Variants in WNT4 observed in about 807,000 individuals in gnomAD.
WNT4 encodes the protein Wnt family member 4.
A neutral mutation model predicts 34.5 loss-of-function variants in WNT4; 16 were observed. That is an observed-to-expected ratio of 0.46 (90% CI 0.31 to 0.70). The LOEUF (loss-of-function observed/expected upper bound fraction) is 0.70, where lower values mean the gene tolerates loss of function less well. Ranked by LOEUF, WNT4 falls within the 30% of genes least tolerant of loss-of-function variation. WNT4 has a pLI of 0.04. For missense variants in WNT4, 379 were observed against 495.9 expected, an observed-to-expected ratio of 0.76 and a Z score of 2.24; for synonymous variants, 200 against 211.9, an observed-to-expected ratio of 0.94 and a Z score of 0.49.
chr1:22,140,836 C>T lies in WNT4; in HGVS notation c.77+2010G>A, dbSNP rs1050731991. Among the ~76,000 whole-genome samples, 3 of 152,198 alleles carry T rather than the reference C, an allele frequency of 2.0e-5. No homozygotes were observed. The highest frequency in any genetic ancestry group is 7.2e-5 in the African/African-American group (3 of 41,440). On this transcript the variant is annotated intron_variant, in intron 1 of 4. Transcript: ENST00000290167. This position sits in a 1 kb window ranked among gnomAD's most constrained non-coding sequence, Gnocchi z 5.9. ...GCTTCGTGGCAACCTGAACCATCAC[C>T]GTTGCAGAGAACAGGTTTGCCAACC...
At chr1:22,136,431 C>G (rs1231777691) in intron 1 of WNT4, among the ~76,000 whole-genome samples, 1 of 152,154 alleles carries the variant, frequency 6.6e-6, no homozygotes, top group Non-Finnish European at 1.5e-5. Context: ...ACAGGTGAAA[C>G]CCCAGCAGAA....
At chr1:22,126,643 A>G (rs1645942510) in intron 2 of WNT4, among the ~76,000 whole-genome samples, 1 of 152,128 alleles carries the variant, frequency 6.6e-6, no homozygotes, top group South Asian at 2.1e-4. Context: ...TTTGTCTTCC[A>G]TGTCTGACGC....
rs929379449 is a variant in WNT4 at position 22,134,317 on chromosome 1, G to A, written c.78-4466C>T. Among the ~76,000 whole-genome samples the A allele has an allele frequency of 6.6e-6, 1 of 152,204 alleles. No homozygotes were observed. On this transcript the variant is annotated intron_variant, in intron 1 of 4. Coordinates refer to ENST00000290167, the MANE Select transcript of WNT4 (RefSeq NM_030761.5). This position sits in a 1 kb window ranked among gnomAD's most constrained non-coding sequence, Gnocchi z 4.1. ...TGAACAGAGCTGCCTTGGGGGATGC[G>A]GGCCAGTGGGGGCGAAAGTGACCAC... is the stretch of plus-strand genomic sequence containing the variant.
In WNT4 at chr1:22,142,211, C is replaced by T. The variant is rs1646074015; in HGVS notation, c.77+635G>A. 6.6e-6 allele frequency among the ~76,000 whole-genome samples: 1 copy of T among 152,198 alleles called. No homozygotes were observed. Among genetic ancestry groups the T allele is most frequent in the Admixed American group, 6.5e-5 (1 of 15,290 alleles). ...CGGGGAGCTGGGGGGCCGTTGTCTT[C>T]TTTAAGGTCTGGACGGAGTTTCTTC... On this transcript the variant is annotated intron_variant, in intron 1 of 4. Transcript: ENST00000290167. This position sits in a 1 kb window ranked among gnomAD's most constrained non-coding sequence, Gnocchi z 6.0.
intron 2 of WNT4, chr1:22,127,405 C>T (rs765659817): frequency 1.9e-6 from 1 of 533,460 alleles, no homozygotes; most frequent in African/African-American, 1.9e-5. Context: ...CTTCCTTGCG[C>T]CTTTGAGTCC....
At chr1:22,131,571 G>A (rs1460674620) in intron 1 of WNT4, among the ~76,000 whole-genome samples, 2 of 152,200 alleles carry the variant, frequency 1.3e-5, no homozygotes, top group Admixed American at 6.5e-5. Context: ...TTTCCCCGTG[G>A]CTGTGGAGCC....
intron 2 of WNT4, among the ~76,000 whole-genome samples, chr1:22,126,326 C>A (rs1053783207): frequency 6.6e-6 from 1 of 152,194 alleles, no homozygotes; most frequent in Non-Finnish European, 1.5e-5. Context: ...TCTTCCTAGG[C>A]ATCATCTCTC....
intron 2 of WNT4, among the ~76,000 whole-genome samples, chr1:22,126,556 A>T (rs924220298): frequency 1.3e-5 from 2 of 152,216 alleles, no homozygotes; most frequent in African/African-American, 4.8e-5. Flanking sequence ...CTGACGTGAT[A>T]GCACACCACA....
intron 1 of WNT4, 57 bp from the exon 2 acceptor site, chr1:22,129,908 G>C: frequency 6.3e-7 from 1 of 1,591,730 alleles, no homozygotes; most frequent in South Asian, 1.1e-5. Flanking sequence ...CCTGGCCCCG[G>C]ACCAGGCCTG....
In WNT4 at chr1:22,142,947, G is replaced by A. The variant is rs1646083942; in HGVS notation, c.-25C>T. On this transcript the variant is annotated 5_prime_UTR_variant, in exon 1 of 5. Transcript: ENST00000290167. The surrounding 1 kb of genome is among the most constrained non-coding windows in gnomAD (Gnocchi z 6.0). Reference sequence around the variant, plus strand: ...TGGTGCCGCCGCGGGCGCCCGGCCCGGGGCAGCGGCTGCGGCCGCGGGGGG... The same window carrying A: ...TGGTGCCGCCGCGGGCGCCCGGCCCAGGGCAGCGGCTGCGGCCGCGGGGGG... 1 of 1,055,476 alleles carries A rather than the reference G, an allele frequency of 9.5e-7. No individual in the cohort carries two copies. The allele number at this position is 1,055,476 out of a possible 1,614,324, so 65.4% of individuals were successfully genotyped here.
At chr1:22,136,401 G>T (rs140099138) in intron 1 of WNT4, among the ~76,000 whole-genome samples, 1 of 152,330 alleles carries the variant, frequency 6.6e-6, no homozygotes, top group Admixed American at 6.5e-5. Flanking sequence ...AGGGAACCTG[G>T]GGTTGGGGAA....
rs1032419015 is a variant in WNT4 at position 22,142,471 on chromosome 1, T to G, written c.77+375A>C. Among the ~76,000 whole-genome samples the G allele has an allele frequency of 1.9e-4, 29 of 152,190 alleles. No individual in the cohort carries two copies. Among genetic ancestry groups the G allele is most frequent in the Non-Finnish European group, 4.1e-4 (28 of 68,030 alleles). ...GCTATTATGTCCCGGAGCCCTTCCCTGCAATGGGCTTCCTCAGCGACCTGT... is the reference window on the plus strand; with the variant it reads ...GCTATTATGTCCCGGAGCCCTTCCCGGCAATGGGCTTCCTCAGCGACCTGT... On this transcript the variant is annotated intron_variant, in intron 1 of 4. Transcript: ENST00000290167. This position sits in a 1 kb window ranked among gnomAD's most constrained non-coding sequence, Gnocchi z 6.0.
At chr1:22,126,545 C>T (rs1172823013) in intron 2 of WNT4, among the ~76,000 whole-genome samples, 1 of 152,172 alleles carries the variant, frequency 6.6e-6, no homozygotes, top group Non-Finnish European at 1.5e-5. Context: ...ACGAGGATGA[C>T]CTGACGTGAT....
rs961005202 is a variant in WNT4 at position 22,140,594 on chromosome 1, C to T, written c.77+2252G>A. Among the ~76,000 whole-genome samples, 2 of 152,152 alleles carry T rather than the reference C, an allele frequency of 1.3e-5. No homozygotes were observed. The highest frequency in any genetic ancestry group is 6.5e-5 in the Admixed American group (1 of 15,280). On this transcript the variant is annotated intron_variant, in intron 1 of 4. Transcript: ENST00000290167. This position sits in a 1 kb window ranked among gnomAD's most constrained non-coding sequence, Gnocchi z 5.9. ...GGAGGCCAGGCTGTGACATCCATTT[C>T]CCCCAGAGCTGCCATTCCTGGCCAG...
rs147785334 is a variant in WNT4, at chr1:22,120,473, C to G, written c.633G>C (p.Val211=). 1 of 1,613,364 alleles carries G rather than the reference C, an allele frequency of 6.2e-7. No homozygotes were observed. Among genetic ancestry groups the G allele is most frequent in the Non-Finnish European group, 8.5e-7 (1 of 1,179,904 alleles). The change falls in exon 5 of 5, where the codon GTG becomes GTC. Residue 211 remains valine, a synonymous_variant. Coordinates refer to ENST00000290167, the MANE Select transcript of WNT4 (RefSeq NM_030761.5). ...ACGTCTTTACCTCACAGGAGCCTGA[C>G]ACCCCGTGGCACTTGCATTCCACCC... ...HMRVECKCHG[V]SGSCEVKTCW... is the part of the protein sequence containing the mutation.
intron 1 of WNT4, among the ~76,000 whole-genome samples, chr1:22,130,619 G>T (rs755535436): frequency 4.6e-5 from 7 of 152,220 alleles, no homozygotes; most frequent in Non-Finnish European, 1.0e-4. Flanking sequence ...CAAATTTCTT[G>T]TTGAAGAAGG....
intron 2 of WNT4, among the ~76,000 whole-genome samples, chr1:22,128,248 C>T (rs1472471104): frequency 6.6e-6 from 1 of 152,222 alleles, no homozygotes. Context: ...ACAAGCCCAG[C>T]AGCCCCGGCC....
intron 2 of WNT4, among the ~76,000 whole-genome samples, chr1:22,122,913 C>T (rs1183374033): frequency 2.0e-5 from 3 of 152,216 alleles, no homozygotes; most frequent in Non-Finnish European, 4.4e-5. Context: ...GTGCCCACCA[C>T]CCACTCTCCA....
rs1646055894 is a variant in WNT4, at chr1:22,140,247, T to TCC, written c.77+2597_77+2598dup. ...CATCATGCCTGCATGGACACCTGCC[T>TCC]CCCCGAAGCTTTTCCTTCTAGAGGC... On this transcript the variant is annotated intron_variant, in intron 1 of 4. Transcript: ENST00000290167. The surrounding 1 kb of genome is among the most constrained non-coding windows in gnomAD (Gnocchi z 5.9). 10 of 985,442 alleles carry TCC rather than the reference T, an allele frequency of 1.0e-5. No homozygotes were observed. Among genetic ancestry groups the TCC allele is most frequent in the Non-Finnish European group, 1.2e-5 (10 of 829,930 alleles). 61.0% of individuals were successfully genotyped at this position (985,442 alleles called of 1,614,324 possible). A position where few individuals can be genotyped will look rare whatever the true frequency, so the allele number is the denominator to read the frequency against.
Sources: allele counts gnomAD v4.1 joint callset (sites outside exome capture counted in the v4.1 genomes callset), GRCh38; gene constraint gnomAD v4.1.1; non-coding constraint Gnocchi (gnomAD v3.1); transcripts MANE v1.5; gene names NCBI Gene and HGNC (gene_info 2026-07-23, HGNC 2026-07-21).